Variants in ITSN1 observed in about 807,000 individuals in gnomAD.
ITSN1 encodes the protein intersectin-1.
ITSN1 carries 58 observed loss-of-function variants against 239.8 expected under a neutral mutation model. The ratio of observed to expected loss-of-function variants is 0.24; its 90% CI spans 0.20 to 0.30. The LOEUF is 0.30. ITSN1 is among the 10% of genes least tolerant of loss of function. The pLI is 1.00. For missense variants in ITSN1, 1,558 were observed against 2,103.3 expected, an observed-to-expected ratio of 0.74 and a Z score of 5.07; for synonymous variants, 780 against 770.8, an observed-to-expected ratio of 1.01 and a Z score of -0.20.
intron 1 of ITSN1, among the ~76,000 whole-genome samples, chr21:33,643,155 G>T (rs1230313918): frequency 1.3e-5 from 2 of 151,668 alleles, no homozygotes; most frequent in Admixed American, 1.3e-4. Flanking sequence ...GGGGACCCGC[G>T]TTGGCGGGAG....
chr21:33,867,358 C>T, intron 33 of ITSN1, 27 bp downstream of exon 33: 1 of 1,284,700 alleles, frequency 7.8e-7, no homozygotes, highest in African/African-American at 1.5e-5. Flanking sequence ...CCTTTTCAAG[C>T]AGGGGACGGC....
intron 31 of ITSN1, 29 bp downstream of exon 31, chr21:33,858,821 G>C: frequency 1.4e-6 from 2 of 1,450,124 alleles, no homozygotes; most frequent in Non-Finnish European, 1.9e-6. Context: ...CCCCAGCCTG[G>C]CTTGGCCTCC....
At chr21:33,886,842 G>T (rs766805582) in intron 39 of ITSN1, among the ~76,000 whole-genome samples, 1 of 152,208 alleles carries the variant, frequency 6.6e-6, no homozygotes, top group Non-Finnish European at 1.5e-5. Context: ...CCCACAACAG[G>T]AGCCGCAGAA....
chr21:33,874,972 C>T (rs1288851532), intron 33 of ITSN1, among the ~76,000 whole-genome samples: 1 of 152,142 alleles, frequency 6.6e-6, no homozygotes, highest in Non-Finnish European at 1.5e-5. Context: ...CAAAGAGAAA[C>T]TCTAAGGGCC....
intron 14 of ITSN1, among the ~76,000 whole-genome samples, chr21:33,779,098 C>A (rs912812818): frequency 1.3e-5 from 2 of 149,448 alleles, no homozygotes; most frequent in Non-Finnish European, 3.0e-5. Flanking sequence ...AAAATAAGTT[C>A]TTGGCTCTAT....
intron 34 of ITSN1, among the ~76,000 whole-genome samples, chr21:33,878,806 C>G (rs1391341442): frequency 6.6e-5 from 10 of 152,214 alleles, no homozygotes; most frequent in Non-Finnish European, 2.9e-5. Flanking sequence ...TGAGTAACCA[C>G]CCATGTGCCA....
chr21:33,832,096 C>T (rs1260601190), intron 27 of ITSN1, among the ~76,000 whole-genome samples: 2 of 152,160 alleles, frequency 1.3e-5, no homozygotes, highest in South Asian at 2.1e-4. Context: ...TGCAGCCTCA[C>T]GTCTTACCGC....
intron 12 of ITSN1, chr21:33,774,215 C>G (rs1489671935): frequency 6.4e-6 from 1 of 155,266 alleles, no homozygotes; most frequent in Non-Finnish European, 1.4e-5. Context: ...GTCGTCAGAG[C>G]CAGTCGTTGG....
At chr21:33,777,514 ATT>A (rs1569158529) in intron 14 of ITSN1, among the ~76,000 whole-genome samples, 1 of 152,188 alleles carries the variant, frequency 6.6e-6, no homozygotes, top group Non-Finnish European at 1.5e-5. Context: ...ATTCCATTGA[ATT>A]TATAAATCAA....
chr21:33,858,880 A>G (rs1226448220), intron 31 of ITSN1, 88 bp downstream of exon 31: 3 of 678,578 alleles, frequency 4.4e-6, no homozygotes, highest in Non-Finnish European at 7.7e-6. Flanking sequence ...TCCTTCTTGC[A>G]TGCTGCCCTG....
chr21:33,812,932 T>C (rs765059982), intron 21 of ITSN1, among the ~76,000 whole-genome samples: 82 of 152,244 alleles, frequency 5.4e-4, no homozygotes, highest in Non-Finnish European at 9.9e-4. Context: ...GTAGAGTGCA[T>C]GGGTCTGAGA....
At chr21:33,771,026 A>G (rs1005528941) in intron 11 of ITSN1, among the ~76,000 whole-genome samples, 1 of 152,106 alleles carries the variant, frequency 6.6e-6, no homozygotes, top group Non-Finnish European at 1.5e-5. Context: ...TCAGCCTCCC[A>G]AAGTGCTGGG....
intron 34 of ITSN1, among the ~76,000 whole-genome samples, chr21:33,881,302 G>T (rs1050543398): frequency 6.6e-6 from 1 of 151,882 alleles, no homozygotes; most frequent in Non-Finnish European, 1.5e-5. Context: ...AGCTACCCGG[G>T]AGGCTGAGGC....
intron 1 of ITSN1, among the ~76,000 whole-genome samples, chr21:33,691,158 T>A (rs933486878): frequency 6.6e-6 from 1 of 152,102 alleles, no homozygotes; most frequent in Non-Finnish European, 1.5e-5. Context: ...TCTGTTCCTG[T>A]TCTAAATATG....
At chr21:33,670,777 C>G (rs1381969575) in intron 1 of ITSN1, among the ~76,000 whole-genome samples, 4 of 152,188 alleles carry the variant, frequency 2.6e-5, no homozygotes, top group Non-Finnish European at 5.9e-5. Flanking sequence ...CTCAGCTACA[C>G]TAGGATCACA....
intron 29 of ITSN1, among the ~76,000 whole-genome samples, chr21:33,855,290 G>A (rs1979108935): frequency 6.6e-6 from 1 of 152,160 alleles, no homozygotes; most frequent in African/African-American, 2.4e-5. Context: ...ACTTCAGCCG[G>A]GGCATCTCTA....
chr21:33,869,721 C>T lies in ITSN1; in HGVS notation c.4173+2390C>T, dbSNP rs190093746. ...CTGGAAAGAGGTTTTAGATCTGGTT[C>T]CTTTTAATGGAAAATGGTGTTTAGA... is the stretch of plus-strand genomic sequence containing the variant. On this transcript the variant is annotated intron_variant, in intron 33 of 39. Transcript: ENST00000381318. Among the ~76,000 whole-genome samples, 48 of 152,024 alleles carry T rather than the reference C, an allele frequency of 3.2e-4. 1 individual carries two copies. Among genetic ancestry groups the T allele is most frequent in the Admixed American group, 2.9e-3 (44 of 15,252 alleles).
At chr21:33,795,810 A>G (rs985244181) in intron 17 of ITSN1, among the ~76,000 whole-genome samples, 1 of 152,206 alleles carries the variant, frequency 6.6e-6, no homozygotes, top group African/African-American at 2.4e-5. Context: ...ATAAAATAGC[A>G]TAATACAGAA....
At position 33,776,560 on chromosome 21, in the gene ITSN1, A is replaced by G. The variant is rs557177421; in HGVS notation, c.1596+1452A>G. ...GACCCTGTTCAAAAAAAAAAAAAAAAAGAGAGAGAAAAGAGAAAGGAAAGA... is the reference window on the plus strand; with the variant it reads ...GACCCTGTTCAAAAAAAAAAAAAAAGAGAGAGAGAAAAGAGAAAGGAAAGA... On this transcript the variant is annotated intron_variant, in intron 14 of 39. Transcript: ENST00000381318. 5.4e-4 allele frequency among the ~76,000 whole-genome samples: 79 copies of G among 145,224 alleles called. 1 individual carries two copies. The highest frequency in any genetic ancestry group is 2.1e-3 in the Admixed American group (31 of 14,762).
Sources: gnomAD v4.1 joint callset for allele counts (sites outside exome capture counted in the v4.1 genomes callset) on GRCh38, gnomAD v4.1.1 for gene constraint, MANE v1.5 for transcripts, NCBI Gene and HGNC (gene_info 2026-07-23, HGNC 2026-07-21) for gene names.